Variants in SAXO2 observed in about 807,000 individuals in gnomAD.
SAXO2 encodes family with sequence similarity 154, member B.
SAXO2 carries 17 observed loss-of-function variants against 18.7 expected under a neutral mutation model. The observed-to-expected ratio is 0.91, with a 90% CI of 0.62 to 1.36. The LOEUF (loss-of-function observed/expected upper bound fraction) is 1.36, where lower values mean the gene tolerates loss of function less well. SAXO2 is among the 40% of genes most tolerant of loss of function. SAXO2 has a pLI of 0.00. For synonymous variants in SAXO2, 163 were observed against 181.2 expected (o/e 0.90, Z 0.81); for missense variants, 486 against 562.6 (o/e 0.86, Z 1.38).
intron 1 of SAXO2, among the ~76,000 whole-genome samples, 152 bp from the exon 2 acceptor site, chr15:82,265,417 C>T (rs2075207151): frequency 6.6e-6 from 1 of 152,212 alleles, no homozygotes; most frequent in African/African-American, 2.4e-5. Context: ...GCTGAGATTA[C>T]AGGCGTGAGC....
chr15:82,275,253 T>C (rs1388616031), intron 3 of SAXO2, among the ~76,000 whole-genome samples: 1 of 100,794 alleles, frequency 9.9e-6, no homozygotes, highest in Non-Finnish European at 2.0e-5. Flanking sequence ...AGTAAGGAAA[T>C]TGAATCAGTA....
At chr15:82,263,918 G>T (rs1215112207) in intron 1 of SAXO2, among the ~76,000 whole-genome samples, 1 of 151,894 alleles carries the variant, frequency 6.6e-6, no homozygotes, top group African/African-American at 2.4e-5. Flanking sequence ...CTTTTTAAGG[G>T]TTTATTTTTA....
At chr15:82,277,495 G>T (rs1403353016) in intron 3 of SAXO2, among the ~76,000 whole-genome samples, 1 of 152,210 alleles carries the variant, frequency 6.6e-6, no homozygotes, top group Non-Finnish European at 1.5e-5. Flanking sequence ...AATTGAATTT[G>T]TAGAATTGAA....
At position 82,265,716 on chromosome 15, in the gene SAXO2, C is replaced by G. The variant is rs1392055499; in HGVS notation, c.201C>G (p.Cys67Trp). The G allele has an allele frequency of 6.5e-7, 1 of 1,527,650 alleles. No individual in the cohort carries two copies. Among genetic ancestry groups the G allele is most frequent in the East Asian group, 2.5e-5 (1 of 40,552 alleles). 94.6% of individuals were successfully genotyped at this position (1,527,650 alleles called of 1,614,324 possible). ...SLKAKQEIRA[C>W]HGKMEGITTF... ...AAGCCAAGCAAGAAATTCGAGCATG[C>G]CATGGTAAAATGGAAGGAATAACTA... is the stretch of plus-strand genomic sequence containing the variant. The change falls in exon 2 of 4, where the codon TGC becomes TGG. Residue 67 changes from cysteine to tryptophan, a missense_variant. By Grantham distance (215) the Cys-to-Trp change is radical. Transcript: ENST00000682753.
intron 3 of SAXO2, among the ~76,000 whole-genome samples, chr15:82,278,536 C>T (rs553034410): frequency 9.2e-5 from 14 of 152,282 alleles, no homozygotes; most frequent in African/African-American, 2.6e-4. Flanking sequence ...AAGACCTGAA[C>T]GACACTATCA....
At chr15:82,278,904 AGCAAT>A (rs1238708200) in intron 3 of SAXO2, among the ~76,000 whole-genome samples, 71 of 152,342 alleles carry the variant, frequency 4.7e-4, no homozygotes, top group African/African-American at 1.6e-3. Flanking sequence ...ATGCATCTAA[AGCAAT>A]GCTTTTCAGA....
At chr15:82,272,876 T>C (rs896501236) in intron 3 of SAXO2, among the ~76,000 whole-genome samples, 2 of 151,446 alleles carry the variant, frequency 1.3e-5, no homozygotes, top group East Asian at 3.9e-4. Flanking sequence ...CTAGTACTTT[T>C]GAGGAATGGG....
chr15:82,276,493 T>A (rs1220561347), intron 3 of SAXO2, among the ~76,000 whole-genome samples: 2 of 152,184 alleles, frequency 1.3e-5, no homozygotes. Context: ...AGCATGGTAC[T>A]GGTACAAAAA....
chr15:82,265,877 CTAGTT>C (rs2075212251), intron 2 of SAXO2, 129 bp downstream of exon 2: 4 of 500,776 alleles, frequency 8.0e-6, no homozygotes, highest in Non-Finnish European at 1.2e-5. Flanking sequence ...AGTCAAGAGA[CTAGTT>C]AAGTCACAAC....
rs1234991434 is a variant in SAXO2 at position 82,283,209 on chromosome 15, T to G, written c.*147T>G. 1.9e-6 allele frequency: 1 copy of G among 515,868 alleles called. No individual in the cohort carries two copies. The highest frequency in any genetic ancestry group is 3.7e-5 in the East Asian group (1 of 27,308). 32.0% of individuals were successfully genotyped at this position (515,868 alleles called of 1,614,324 possible). A position where few individuals can be genotyped will look rare whatever the true frequency, so the allele number is the denominator to read the frequency against. On this transcript the variant is annotated 3_prime_UTR_variant, in exon 4 of 4. Transcript: ENST00000682753. The stretch of plus-strand genomic sequence containing the variant: ...AAATTGGAAAATATATTATAAGAAA[T>G]CAGAATCTTAAAACCATTTTTTATT...
rs1189270580 is a variant in SAXO2 at position 82,284,397 on chromosome 15, G to T, written c.*1335G>T. Reference sequence around the variant, plus strand: ...TACAGTGGTTTGAATAACAGTATTTGCAGAAAGGAAAAAGTATTATTTGCT... The same window carrying T: ...TACAGTGGTTTGAATAACAGTATTTTCAGAAAGGAAAAAGTATTATTTGCT... On this transcript the variant is annotated 3_prime_UTR_variant, in exon 4 of 4. Coordinates refer to ENST00000682753, the MANE Select transcript of SAXO2 (RefSeq NM_001348699.2). 1 of 152,010 alleles carries T rather than the reference G, an allele frequency of 6.6e-6. No homozygotes were observed. The highest frequency in any genetic ancestry group is 2.4e-5 in the African/African-American group (1 of 41,366). 9.4% of individuals were successfully genotyped at this position (152,010 alleles called of 1,614,324 possible).
chr15:82,280,889 G>T (rs578216092), intron 3 of SAXO2, among the ~76,000 whole-genome samples: 1 of 152,144 alleles, frequency 6.6e-6, no homozygotes, highest in East Asian at 1.9e-4. Context: ...TGGCCTAAAG[G>T]TCACCTATTC....
chr15:82,274,129 C>T (rs550696502), intron 3 of SAXO2, among the ~76,000 whole-genome samples: 2 of 151,966 alleles, frequency 1.3e-5, no homozygotes, highest in Non-Finnish European at 2.9e-5. Context: ...GGAACATGTA[C>T]ACACAATACA....
intron 3 of SAXO2, among the ~76,000 whole-genome samples, chr15:82,280,501 A>T (rs2075353925): frequency 6.6e-6 from 1 of 152,138 alleles, no homozygotes; most frequent in Non-Finnish European, 1.5e-5. Flanking sequence ...TCAAGAAAAA[A>T]AAAAGACTCT....
chr15:82,265,886 TCA>T, intron 2 of SAXO2, 138 bp downstream of exon 2: 1 of 487,114 alleles, frequency 2.1e-6, no homozygotes, highest in East Asian at 3.7e-5. Context: ...ACTAGTTAAG[TCA>T]CAACTTGAAA....
At position 82,284,424 on chromosome 15, in the gene SAXO2, G is replaced by A. The variant is rs2141386584; in HGVS notation, c.*1362G>A. 6.6e-6 allele frequency: 1 copy of A among 152,002 alleles called. No homozygotes were observed. Among genetic ancestry groups the A allele is most frequent in the East Asian group, 1.9e-4 (1 of 5,188 alleles). 9.4% of individuals were successfully genotyped at this position (152,002 alleles called of 1,614,324 possible). A position where few individuals can be genotyped will look rare whatever the true frequency, so the allele number is the denominator to read the frequency against. ...AGAAAGGAAAAAGTATTATTTGCTAGGGTAGTTTTAGGAAGACTGACAGCT... is the reference window on the plus strand; with the variant it reads ...AGAAAGGAAAAAGTATTATTTGCTAAGGTAGTTTTAGGAAGACTGACAGCT... On this transcript the variant is annotated 3_prime_UTR_variant, in exon 4 of 4. Transcript: ENST00000682753.
intron 3 of SAXO2, among the ~76,000 whole-genome samples, chr15:82,272,535 T>G (rs1311696016): frequency 6.6e-6 from 1 of 152,094 alleles, no homozygotes; most frequent in Non-Finnish European, 1.5e-5. Flanking sequence ...TTTTTTGTTG[T>G]TGTTGTTGTT....
intron 3 of SAXO2, among the ~76,000 whole-genome samples, chr15:82,278,552 G>A (rs918384276): frequency 1.3e-5 from 2 of 151,866 alleles, no homozygotes; most frequent in African/African-American, 2.4e-5. Flanking sequence ...TATCAACAAT[G>A]TTGTCCAAAT....
chr15:82,278,500 G>A (rs1011541943), intron 3 of SAXO2, among the ~76,000 whole-genome samples: 12 of 152,186 alleles, frequency 7.9e-5, no homozygotes, highest in African/African-American at 1.7e-4. Context: ...TCTATAGAAC[G>A]TAGACAGGAA....
Sources: gnomAD v4.1 joint callset for allele counts (sites outside exome capture counted in the v4.1 genomes callset) on GRCh38, gnomAD v4.1.1 for gene constraint, MANE v1.5 for transcripts, NCBI Gene and HGNC (gene_info 2026-07-23, HGNC 2026-07-21) for gene names.